The following SH3KBP1 variants were observed in gnomAD, a reference collection of about 807,000 sequenced individuals.
SH3KBP1 encodes the protein SH3 domain containing kinase binding protein 1.
Under a neutral mutation model 50.1 loss-of-function variants are expected in SH3KBP1, and 8 were observed. That is an observed-to-expected ratio of 0.16 (90% CI 0.09 to 0.29). The LOEUF (loss-of-function observed/expected upper bound fraction) is 0.29. Among genes scored for constraint, SH3KBP1 ranks in the 10% least tolerant of loss-of-function variants. The pLI, the probability that SH3KBP1 is intolerant of heterozygous loss-of-function variation, is 1.00. For synonymous variants in SH3KBP1, 227 were observed against 218.6 expected (o/e 1.04, Z -0.34); for missense variants, 377 against 535.2 (o/e 0.70, Z 2.92).
At chrX:19,710,306 C>T (rs1425253439) in intron 3 of SH3KBP1, among the ~76,000 whole-genome samples, 1 of 112,219 alleles carries the variant, frequency 8.9e-6, no homozygotes, top group East Asian at 2.8e-4. Flanking sequence ...GAGTCACTGA[C>T]ACTGTCTGCT....
At chrX:19,648,415 TGAAGGAAGGAAGGAGG>T (rs1365109683) in intron 6 of SH3KBP1, among the ~76,000 whole-genome samples, 7 of 67,170 alleles carry the variant, frequency 1.0e-4, no homozygotes, top group African/African-American at 1.9e-4. Flanking sequence ...GTTAGAAAGA[TGAAGGAAGGAAGGAGG>T]GAAGGAAGGA....
chrX:19,731,306 A>T, intron 3 of SH3KBP1, among the ~76,000 whole-genome samples: 1 of 112,540 alleles, frequency 8.9e-6, no homozygotes, highest in Non-Finnish European at 1.9e-5. Context: ...GTTCACATGA[A>T]ATTGAAACCT....
At chrX:19,696,010 G>A (rs1215030713) in intron 4 of SH3KBP1, among the ~76,000 whole-genome samples, 1 of 111,921 alleles carries the variant, frequency 8.9e-6, no homozygotes, top group Non-Finnish European at 1.9e-5. Flanking sequence ...TTTGGCATCT[G>A]CTTTGGTTAT....
intron 3 of SH3KBP1, among the ~76,000 whole-genome samples, chrX:19,723,477 T>C (rs191162937): frequency 1.8e-3 from 206 of 112,173 alleles, no homozygotes; most frequent in Non-Finnish European, 2.4e-3. Context: ...CCCATCTGTG[T>C]TTTTAAAAAA....
chrX:19,747,731 G>A (rs2064958312), intron 2 of SH3KBP1: 1 of 336,790 alleles, frequency 3.0e-6, no homozygotes, highest in Non-Finnish European at 5.9e-6. Context: ...CCTCACCAGG[G>A]CCCCACCGGA....
chrX:19,874,636 A>G (rs2069185401), intron 1 of SH3KBP1, among the ~76,000 whole-genome samples: 1 of 100,957 alleles, frequency 9.9e-6, no homozygotes, highest in Non-Finnish European at 2.0e-5. Flanking sequence ...AAATAAGAGG[A>G]ACGGGCTGGG....
chrX:19,596,678 G>A (rs1208944869), intron 9 of SH3KBP1, among the ~76,000 whole-genome samples: 1 of 112,253 alleles, frequency 8.9e-6, no homozygotes, highest in African/African-American at 3.2e-5. Flanking sequence ...CTAAGCATAT[G>A]TAATACTCTA....
chrX:19,686,796 T>C (rs890412572), intron 5 of SH3KBP1, among the ~76,000 whole-genome samples: 4 of 111,372 alleles, frequency 3.6e-5, no homozygotes, highest in Non-Finnish European at 5.7e-5. Flanking sequence ...TGTATGCATA[T>C]GTGTATATGC....
chrX:19,582,412 T>G (rs2066403950), intron 12 of SH3KBP1, among the ~76,000 whole-genome samples: 2 of 112,027 alleles, frequency 1.8e-5, no homozygotes, highest in South Asian at 7.4e-4. Flanking sequence ...GAGCCTATGG[T>G]GGCCGCGTGG....
At chrX:19,781,059 C>T (rs1480730074) in intron 2 of SH3KBP1, among the ~76,000 whole-genome samples, 5 of 111,977 alleles carry the variant, frequency 4.5e-5, no homozygotes, top group Non-Finnish European at 9.4e-5. Flanking sequence ...CATGAAGTGG[C>T]TAGTTAAATA....
intron 13 of SH3KBP1, among the ~76,000 whole-genome samples, chrX:19,563,131 A>G (rs766947886): frequency 8.9e-6 from 1 of 112,143 alleles, no homozygotes; most frequent in Non-Finnish European, 1.9e-5. Context: ...ATGGACCACC[A>G]AAGGCCAGCA....
At chrX:19,552,175 TAATC>T (rs1186965592) in intron 13 of SH3KBP1, among the ~76,000 whole-genome samples, 1 of 112,461 alleles carries the variant, frequency 8.9e-6, no homozygotes, top group Non-Finnish European at 1.9e-5. Context: ...GCACTGCAAT[TAATC>T]AATCCCATTT....
chrX:19,551,550 C>CTTTTTTTTTTTTTTTTTTTTTTTTTTTTT lies in SH3KBP1; in HGVS notation c.1385-1468_1385-1467insAAAAAAAAAAAAAAAAAAAAAAAAAAAAA, dbSNP rs397800260. Among the ~76,000 whole-genome samples, 10 of 95,150 alleles carry CTTTTTTTTTTTTTTTTTTTTTTTTTTTTT rather than the reference C, an allele frequency of 1.1e-4. 1 individual carries two copies. The highest frequency in any genetic ancestry group is 4.3e-4 in the African/African-American group (10 of 23,234). 82.6% of individuals were successfully genotyped at this position (95,150 alleles called of 115,157 possible). A position where few individuals can be genotyped will look rare whatever the true frequency, so the allele number is the denominator to read the frequency against. ...CTTTCTTTTCTTTCCCTCCCTCCCTCTTTTTTTTTTTTTTGACAGGGTCTT... is the reference window on the plus strand; with the variant it reads ...CTTTCTTTTCTTTCCCTCCCTCCCTCTTTTTTTTTTTTTTTTTTTTTTTTTTTTTTTTTTTTTTTTTTTGACAGGGTCTT... On this transcript the variant is annotated intron_variant, in intron 13 of 17. Transcript: ENST00000397821.
chrX:19,769,644 T>C (rs1228721767), intron 2 of SH3KBP1, among the ~76,000 whole-genome samples: 1 of 111,321 alleles, frequency 9.0e-6, no homozygotes, highest in African/African-American at 3.3e-5. Context: ...AAGATTGAAC[T>C]CTCACGTTGC....
intron 2 of SH3KBP1, among the ~76,000 whole-genome samples, chrX:19,750,684 C>T (rs1383173091): frequency 1.8e-5 from 2 of 111,459 alleles, no homozygotes; most frequent in Non-Finnish European, 3.8e-5. Flanking sequence ...TTCACAGAAT[C>T]CTGACGTCAT....
chrX:19,719,342 T>A (rs1040383668), intron 3 of SH3KBP1, among the ~76,000 whole-genome samples: 10 of 111,331 alleles, frequency 9.0e-5, no homozygotes, highest in South Asian at 3.8e-4. Context: ...TCCTCAGCCC[T>A]ATGAACTTCA....
At chrX:19,846,065 T>C (rs1176500995) in intron 1 of SH3KBP1, among the ~76,000 whole-genome samples, 1 of 111,052 alleles carries the variant, frequency 9.0e-6, no homozygotes, top group Admixed American at 9.6e-5. Flanking sequence ...TGAAGCAATA[T>C]TCTTTTCTTG....
At chrX:19,712,988 C>T (rs981516953) in intron 3 of SH3KBP1, among the ~76,000 whole-genome samples, 2 of 111,402 alleles carry the variant, frequency 1.8e-5, no homozygotes, top group African/African-American at 3.3e-5. Context: ...CTTTGGGAGG[C>T]TGAGGCAGGA....
chrX:19,600,241 C>T (rs1188800834), intron 9 of SH3KBP1, among the ~76,000 whole-genome samples: 4 of 108,747 alleles, frequency 3.7e-5, no homozygotes, highest in African/African-American at 1.3e-4. Flanking sequence ...AAAGTCAGTC[C>T]GGCGTGGTGG....
Sources: gnomAD v4.1 joint callset for allele counts (sites outside exome capture counted in the v4.1 genomes callset) on GRCh38, gnomAD v4.1.1 for gene constraint, MANE v1.5 for transcripts, NCBI Gene and HGNC (gene_info 2026-07-23, HGNC 2026-07-21) for gene names.